The following LRBA variants were observed in gnomAD, a reference collection of about 807,000 sequenced individuals.
LRBA encodes the protein lipopolysaccharide-responsive and beige-like anchor protein.
In LRBA, 176 loss-of-function variants were observed where a neutral mutation model predicts 330.0. That is an observed-to-expected ratio of 0.53 (90% CI 0.47 to 0.60). The LOEUF is 0.60. Ranked by LOEUF, LRBA falls within the 20% of genes least tolerant of loss-of-function variation. The pLI is 0.00. For missense variants in LRBA, 3,259 were observed against 3,444.8 expected, an observed-to-expected ratio of 0.95 and a Z score of 1.35; for synonymous variants, 1,230 against 1,193.0, an observed-to-expected ratio of 1.03 and a Z score of -0.64.
chr4:150,445,954 C>G (rs532342237), intron 44 of LRBA, among the ~76,000 whole-genome samples: 1 of 152,138 alleles, frequency 6.6e-6, no homozygotes, highest in Admixed American at 6.5e-5. Flanking sequence ...TGGAAAAATA[C>G]TAAATCTTAA....
intron 47 of LRBA, among the ~76,000 whole-genome samples, chr4:150,363,847 C>T (rs1739061143): frequency 6.6e-6 from 1 of 152,126 alleles, no homozygotes; most frequent in Non-Finnish European, 1.5e-5. Context: ...AATGTCTATG[C>T]TGAGGGACTA....
chr4:150,731,349 T>C (rs980356356), intron 36 of LRBA, among the ~76,000 whole-genome samples: 1 of 152,176 alleles, frequency 6.6e-6, no homozygotes, highest in Non-Finnish European at 1.5e-5. Context: ...CTCATGTTTG[T>C]TGCAGCACTG....
Position 150,683,546 on chromosome 4 carries a change from T to C in LRBA, c.5921+5A>G, listed in dbSNP as rs1223658504. The stretch of plus-strand genomic sequence containing the variant: ...AGTGGCCAAATCCTAAAGGTATCCC[T>C]TTACCTCACTGCAGAATTTCCCCAG... On this transcript the variant is annotated splice_donor_5th_base_variant and intron_variant, in intron 37 of 56. Transcript: ENST00000651943. 1.2e-6 allele frequency: 2 copies of C among 1,613,178 alleles called. No homozygotes were observed. Among genetic ancestry groups the C allele is most frequent in the South Asian group, 1.1e-5 (1 of 91,000 alleles).
intron 40 of LRBA, among the ~76,000 whole-genome samples, chr4:150,517,938 C>T (rs1437029823): frequency 6.6e-6 from 1 of 152,194 alleles, no homozygotes; most frequent in Non-Finnish European, 1.5e-5. Flanking sequence ...ATGCACTGTG[C>T]TGGTAACTTT....
intron 2 of LRBA, among the ~76,000 whole-genome samples, chr4:150,988,258 A>T (rs1741674276): frequency 6.6e-6 from 1 of 152,218 alleles, no homozygotes; most frequent in Non-Finnish European, 1.5e-5. Context: ...GACACACTGG[A>T]TCCCATTATT....
chr4:150,339,571 A>G (rs1469653133), intron 48 of LRBA, among the ~76,000 whole-genome samples: 1 of 152,186 alleles, frequency 6.6e-6, no homozygotes, highest in Non-Finnish European at 1.5e-5. Context: ...ATATAGAAAG[A>G]GGCAAATTAA....
At position 150,302,636 on chromosome 4, in the gene LRBA, T is replaced by C. The variant is rs746803553; in HGVS notation, c.8006A>G (p.Asp2669Gly). Reference protein sequence around the residue: ...YWNGKCSGIGDNPGSETAAPR... With the variant: ...YWNGKCSGIGGNPGSETAAPR... ...TGAGTCATACTTACTGCCTGGGTTA[T>C]CTCCAATCCCACTGCATTTTCCATT... Residue 2669 changes from aspartate (D) to glycine (G), a missense_variant, in exon 53 of 57, where the codon GAT becomes GGT. Coordinates refer to ENST00000651943, the MANE Select transcript of LRBA (RefSeq NM_001364905.1). 2 of 1,606,964 alleles carry C rather than the reference T, an allele frequency of 1.2e-6. No individual in the cohort carries two copies. The highest frequency in any genetic ancestry group is 1.1e-5 in the South Asian group (1 of 89,564).
chr4:150,673,020 G>A (rs1782205880), intron 37 of LRBA, among the ~76,000 whole-genome samples: 1 of 152,136 alleles, frequency 6.6e-6, no homozygotes, highest in Non-Finnish European at 1.5e-5. Flanking sequence ...ATGGTGAAGT[G>A]GGAGTCAGGA....
At chr4:150,536,753 G>GAC (rs567428250) in intron 40 of LRBA, among the ~76,000 whole-genome samples, 5 of 151,916 alleles carry the variant, frequency 3.3e-5, no homozygotes, top group African/African-American at 9.7e-5. Context: ...ATTTATAATA[G>GAC]ACACACACAC....
intron 56 of LRBA, 40 bp from the exon 57 acceptor site, chr4:150,265,852 G>C (rs1352800554): frequency 7.9e-7 from 1 of 1,262,968 alleles, no homozygotes; most frequent in Non-Finnish European, 1.2e-6. Flanking sequence ...ACAAACCTGT[G>C]TGTCCTAGAG....
intron 37 of LRBA, among the ~76,000 whole-genome samples, chr4:150,676,018 A>G (rs867309097): frequency 6.6e-6 from 1 of 152,140 alleles, no homozygotes; most frequent in Admixed American, 6.5e-5. Flanking sequence ...TTGTGTTAAC[A>G]TCTCCCCTCT....
chr4:150,517,049 T>G (rs982671880), intron 40 of LRBA, among the ~76,000 whole-genome samples: 8 of 152,178 alleles, frequency 5.3e-5, no homozygotes, highest in Admixed American at 3.3e-4. Context: ...GTCACAGAGT[T>G]GACTTGGCTG....
At chr4:150,943,767 C>A (rs914359532) in intron 2 of LRBA, among the ~76,000 whole-genome samples, 1 of 152,118 alleles carries the variant, frequency 6.6e-6, no homozygotes, top group Non-Finnish European at 1.5e-5. Flanking sequence ...CACACTAACC[C>A]CTCATCCCTT....
At chr4:150,533,508 T>C (rs531931578) in intron 40 of LRBA, among the ~76,000 whole-genome samples, 1 of 152,068 alleles carries the variant, frequency 6.6e-6, no homozygotes, top group South Asian at 2.1e-4. Flanking sequence ...GAAAGATACA[T>C]ATATATATCT....
At chr4:151,010,790 A>T (rs1744739303) in intron 2 of LRBA, among the ~76,000 whole-genome samples, 1 of 151,848 alleles carries the variant, frequency 6.6e-6, no homozygotes, top group African/African-American at 2.4e-5. Context: ...AGGCTGAGGC[A>T]CAAGAATTGC....
chr4:150,712,565 G>A (rs1582121118), intron 36 of LRBA, among the ~76,000 whole-genome samples: 1 of 152,138 alleles, frequency 6.6e-6, no homozygotes, highest in East Asian at 1.9e-4. Flanking sequence ...ATATTTTCAT[G>A]TCATGTTCTC....
chr4:150,787,510 C>T (rs1037189771), intron 34 of LRBA, among the ~76,000 whole-genome samples: 5 of 152,006 alleles, frequency 3.3e-5, no homozygotes, highest in Non-Finnish European at 7.4e-5. Context: ...TATCTCAATA[C>T]TTTTTGTTTT....
At chr4:150,325,961 A>C in intron 48 of LRBA, 63 bp from the exon 49 acceptor site, 1 of 861,142 alleles carries the variant, frequency 1.2e-6, no homozygotes, top group South Asian at 1.4e-5. Flanking sequence ...TAGAACCCCA[A>C]CTGTCACCTG....
intron 37 of LRBA, among the ~76,000 whole-genome samples, chr4:150,642,050 C>A (rs1382490169): frequency 6.6e-6 from 1 of 151,948 alleles, no homozygotes; most frequent in Non-Finnish European, 1.5e-5. Context: ...TATACTAATA[C>A]AATTAATACA....
Sources: allele counts gnomAD v4.1 joint callset (sites outside exome capture counted in the v4.1 genomes callset), GRCh38; gene constraint gnomAD v4.1.1; transcripts MANE v1.5; gene names NCBI Gene and HGNC (gene_info 2026-07-23, HGNC 2026-07-21).